Variants in COL7A1 observed in about 807,000 individuals in gnomAD.
The protein encoded by COL7A1 is collagen alpha-1(VII) chain.
Under a neutral mutation model 456.2 loss-of-function variants are expected in COL7A1, and 296 were observed. The ratio of observed to expected loss-of-function variants is 0.65; its 90% confidence interval spans 0.59 to 0.71. COL7A1 has a LOEUF of 0.71. Among genes scored for constraint, COL7A1 ranks in the 30% least tolerant of loss-of-function variants. The probability of loss-of-function intolerance (pLI) is 0.00; values close to 1 mark genes in which losing one functional copy is unlikely to be tolerated. For synonymous variants in COL7A1, 1,464 were observed against 1,525.9 expected (o/e 0.96, Z 0.95); for missense variants, 3,441 against 4,017.2 (o/e 0.86, Z 3.88).
chr3:48,578,302 C>G lies in COL7A1; in HGVS notation c.5532+19G>C, dbSNP rs200211562. On this transcript the variant is annotated intron_variant, in intron 65 of 118. Coordinates refer to ENST00000681320, the MANE Select transcript of COL7A1 (RefSeq NM_000094.4). This position sits in a 1 kb window ranked among gnomAD's most constrained non-coding sequence, Gnocchi z 4.7. Reference sequence around the variant, plus strand: ...CGTTTCTTGGCAGGTTTCGCCGCAGCTGCCCTGGACACACTCACGTTTTTT... The same window carrying G: ...CGTTTCTTGGCAGGTTTCGCCGCAGGTGCCCTGGACACACTCACGTTTTTT... 9.9e-6 allele frequency: 16 copies of G among 1,612,270 alleles called. No homozygotes were observed. In the East Asian group the frequency reaches 3.3e-4, roughly 34 times the overall value.
Position 48,572,859 on chromosome 3 carries a change from T to C in COL7A1, c.6831+3A>G, listed in dbSNP as rs2044029720. The C allele has an allele frequency of 6.2e-7, 1 of 1,613,802 alleles. No individual in the cohort carries two copies. Among genetic ancestry groups the C allele is most frequent in the Non-Finnish European group, 8.5e-7 (1 of 1,179,962 alleles). On this transcript the variant is annotated splice_donor_region_variant and intron_variant, in intron 87 of 118. Transcript: ENST00000681320. This position sits in a 1 kb window ranked among gnomAD's most constrained non-coding sequence, Gnocchi z 4.6. The stretch of plus-strand genomic sequence containing the variant: ...CCTAGCGAGCTGCCCCCAGAACACA[T>C]ACTGGCACACCAGGGCTCCCTCTGT...
In COL7A1 at chr3:48,568,293, G is replaced by A; in HGVS notation, c.7795-123C>T. 8.2e-7 allele frequency: 1 copy of A among 1,226,730 alleles called. No homozygotes were observed. Among genetic ancestry groups the A allele is most frequent in the South Asian group, 1.2e-5 (1 of 81,168 alleles). 76.0% of individuals were successfully genotyped at this position (1,226,730 alleles called of 1,614,324 possible). On this transcript the variant is annotated intron_variant, in intron 105 of 118. Coordinates refer to ENST00000681320, the MANE Select transcript of COL7A1 (RefSeq NM_000094.4). This position sits in a 1 kb window ranked among gnomAD's most constrained non-coding sequence, Gnocchi z 5.2. Reference sequence around the variant, plus strand: ...TCACCTCTGGAGGCCAGAGCCACTGGGGCTTGCCATGGGGACAAGGGTCAC... The same window carrying A: ...TCACCTCTGGAGGCCAGAGCCACTGAGGCTTGCCATGGGGACAAGGGTCAC...
rs772973596 is a variant in COL7A1, at chr3:48,579,219, G to C, written c.5366C>G (p.Ala1789Gly). Reference sequence around the variant, plus strand: ...CACATTCGGCCCAGAGGGCCCAGCGGCTCCTGGTTTCCCATCCAGTCCGCT... The same window carrying C: ...CACATTCGGCCCAGAGGGCCCAGCGCCTCCTGGTTTCCCATCCAGTCCGCT... ...GRSGLDGKPG[A>G]AGPSGPNGAA... The change falls in exon 62 of 119, where the codon GCC (alanine) becomes GGC (glycine). Residue 1789 changes from alanine (A) to glycine (G), a missense_variant. Ala to Gly is a moderately conservative substitution (Grantham distance 60). Around this residue, in one of 3 missense-constraint regions of COL7A1, gnomAD observed 2,084 missense variants for 2,501.3 expected, o/e 0.83. Transcript: ENST00000681320. The surrounding 1 kb of genome is among the most constrained non-coding windows in gnomAD (Gnocchi z 4.4). 4 of 1,613,530 alleles carry C rather than the reference G, an allele frequency of 2.5e-6. No individual in the cohort carries two copies. Among genetic ancestry groups the C allele is most frequent in the East Asian group, 2.2e-5 (1 of 44,896 alleles).
chr3:48,595,214 G>T, intron 1 of COL7A1, 54 bp from the exon 2 acceptor site: 1 of 1,478,258 alleles, frequency 6.8e-7, no homozygotes, highest in Non-Finnish European at 9.2e-7. Flanking sequence ...TTGCTCCCCC[G>T]TGGCCTTGGC....
Position 48,594,928 on chromosome 3 carries a change from T to A in COL7A1, c.85+147A>T. On this transcript the variant is annotated intron_variant, in intron 2 of 118. Coordinates refer to ENST00000681320, the MANE Select transcript of COL7A1 (RefSeq NM_000094.4). This position sits in a 1 kb window ranked among gnomAD's most constrained non-coding sequence, Gnocchi z 5.5. Reference sequence around the variant, plus strand: ...GAACCCAGCACCGATCGCGGAGGGTTCGGGGAGTCCCAGAATTAGGAGGAA... The same window carrying A: ...GAACCCAGCACCGATCGCGGAGGGTACGGGGAGTCCCAGAATTAGGAGGAA... 1.4e-6 allele frequency: 1 copy of A among 727,560 alleles called. No homozygotes were observed. Among genetic ancestry groups the A allele is most frequent in the East Asian group, 2.7e-5 (1 of 36,786 alleles). 45.1% of individuals were successfully genotyped at this position (727,560 alleles called of 1,614,324 possible).
chr3:48,582,445 AC>A (rs2044832954), intron 46 of COL7A1, 32 bp downstream of exon 46: 1 of 1,613,898 alleles, frequency 6.2e-7, no homozygotes, highest in Non-Finnish European at 8.5e-7. Flanking sequence ...CATCCCTAGT[AC>A]CAGACAGTGC....
chr3:48,593,059 T>C lies in COL7A1; in HGVS notation c.682+43A>G. 2 of 1,613,568 alleles carry C rather than the reference T, an allele frequency of 1.2e-6. No individual in the cohort carries two copies. Among genetic ancestry groups the C allele is most frequent in the Non-Finnish European group, 1.7e-6 (2 of 1,179,884 alleles). On this transcript the variant is annotated intron_variant, in intron 6 of 118. Transcript: ENST00000681320. This position sits in a 1 kb window ranked among gnomAD's most constrained non-coding sequence, Gnocchi z 4.4. ...CAGCACTGCCAAGTGGGGATTGGGG[T>C]CCGGGGTCTAGGTCAGGGTACACCG... is the stretch of plus-strand genomic sequence containing the variant.
At position 48,589,694 on chromosome 3, in the gene COL7A1, A is replaced by G. The variant is rs778166491; in HGVS notation, c.2075T>C (p.Val692Ala). 1.2e-6 allele frequency: 2 copies of G among 1,613,978 alleles called. No homozygotes were observed. The highest frequency in any genetic ancestry group is 1.7e-6 in the Non-Finnish European group (2 of 1,179,994). The change falls in exon 17 of 119, where the codon GTC becomes GCC. Residue 692 changes from valine to alanine, a missense_variant. Transcript: ENST00000681320. ...TGAGCTGCTGGCCTGAGTCACATGG[A>G]CCGTCCTCACTGGGCCCAGTGGGTC... ...RTDPLGPVRT[V>A]HVTQASSSSV... is the part of the protein sequence containing the mutation.
At position 48,588,995 on chromosome 3, in the gene COL7A1, G is replaced by A. The variant is rs1300908136; in HGVS notation, c.2315C>T (p.Ala772Val). 2 of 1,613,292 alleles carry A rather than the reference G, an allele frequency of 1.2e-6. No individual in the cohort carries two copies. The highest frequency in any genetic ancestry group is 1.3e-5 in the African/African-American group (1 of 74,946). ...CGACACACGACCCACAGGCTCAGGG[G>A]CTGGGGACAGAGGCAAGGTAAGGGG... ...GPPASVVVRT[A>V]PEPVGRVSRL... Residue 772 changes from alanine to valine, a missense_variant and splice_region_variant, in exon 19 of 119, where the codon GCC (alanine) becomes GTC (valine). This residue lies in a region of COL7A1 where 913 missense variants were observed against 1,088.2 expected (regional missense o/e 0.84). Coordinates refer to ENST00000681320, the MANE Select transcript of COL7A1 (RefSeq NM_000094.4). The surrounding 1 kb of genome is among the most constrained non-coding windows in gnomAD (Gnocchi z 4.6).
Position 48,592,028 on chromosome 3 carries a change from A to G in COL7A1, c.1241-14T>C, listed in dbSNP as rs1411664982. ...CAACAGAAGCGTCTGCCCAGGGCAC[A>G]TGGGATGTCAGTGGCCTCCGGGCCT... On this transcript the variant is annotated splice_polypyrimidine_tract_variant and intron_variant, in intron 10 of 118. Coordinates refer to ENST00000681320, the MANE Select transcript of COL7A1 (RefSeq NM_000094.4). This position sits in a 1 kb window ranked among gnomAD's most constrained non-coding sequence, Gnocchi z 7.6. 2 of 1,614,112 alleles carry G rather than the reference A, an allele frequency of 1.2e-6. No homozygotes were observed. The highest frequency in any genetic ancestry group is 2.2e-5 in the South Asian group (2 of 91,078).
Position 48,579,903 on chromosome 3 carries a change from G to A in COL7A1, c.5125-89C>T, listed in dbSNP as rs2044616142. The A allele has an allele frequency of 5.6e-6, 9 of 1,608,874 alleles. No individual in the cohort carries two copies. In the South Asian group the frequency reaches 7.7e-5, roughly 14 times the overall value. On this transcript the variant is annotated intron_variant, in intron 57 of 118. Transcript: ENST00000681320. The surrounding 1 kb of genome is among the most constrained non-coding windows in gnomAD (Gnocchi z 4.4). ...TACAGGGTCTGTGAGGGGCTCCAGG[G>A]ATCCGCGGAGGTTTCAGAGGGACAG...
rs1230825037 is a variant in COL7A1 at position 48,570,618 on chromosome 3, C to T, written c.7344+21G>A. ...AGGACAGGAAATCAAATACGTGGGGCTTTAGGGCACCTCTACTCACCACTG... is the reference window on the plus strand; with the variant it reads ...AGGACAGGAAATCAAATACGTGGGGTTTTAGGGCACCTCTACTCACCACTG... On this transcript the variant is annotated intron_variant, in intron 96 of 118. Transcript: ENST00000681320. This position sits in a 1 kb window ranked among gnomAD's most constrained non-coding sequence, Gnocchi z 5.5. 4 of 1,609,632 alleles carry T rather than the reference C, an allele frequency of 2.5e-6. No homozygotes were observed. The highest frequency in any genetic ancestry group is 3.4e-6 in the Non-Finnish European group (4 of 1,177,868).
Position 48,575,745 on chromosome 3 carries a change from A to T in COL7A1, c.5860T>A (p.Ser1954Thr). The T allele has an allele frequency of 6.2e-7, 1 of 1,614,032 alleles. No individual in the cohort carries two copies. Among genetic ancestry groups the T allele is most frequent in the Non-Finnish European group, 8.5e-7 (1 of 1,180,010 alleles). ...GTCTCCACGATCTCCCGCAGGGCAG[A>T]TGCCTGAGGGACAGCAAGAGGTCAG... ...RLLETAGIKA[S>T]ALREIVETWD... The change falls in exon 73 of 119, where the codon TCT becomes ACT. Residue 1954 changes from serine to threonine, a missense_variant. Physicochemically the swap from Ser to Thr is moderately conservative, Grantham distance 58 (BLOSUM62 1). Coordinates refer to ENST00000681320, the MANE Select transcript of COL7A1 (RefSeq NM_000094.4). This position sits in a 1 kb window ranked among gnomAD's most constrained non-coding sequence, Gnocchi z 6.3.
Position 48,583,109 on chromosome 3 carries a change from C to T in COL7A1, c.4482+18G>A, listed in dbSNP as rs1270335275. The T allele has an allele frequency of 1.2e-6, 2 of 1,613,964 alleles. No homozygotes were observed. The highest frequency in any genetic ancestry group is 1.7e-6 in the Non-Finnish European group (2 of 1,179,980). ...CCAGATCCTCCAGGGCCCTTGGCAC[C>T]CCCCAGGTTGCACTTACCTTCTCTC... On this transcript the variant is annotated intron_variant, in intron 43 of 118. Transcript: ENST00000681320. This position sits in a 1 kb window ranked among gnomAD's most constrained non-coding sequence, Gnocchi z 5.1.
At position 48,575,910 on chromosome 3, in the gene COL7A1, CAA is replaced by C. The variant is rs769051596; in HGVS notation, c.5821-10_5821-9del. On this transcript the variant is annotated splice_polypyrimidine_tract_variant and intron_variant, in intron 71 of 118. Coordinates refer to ENST00000681320, the MANE Select transcript of COL7A1 (RefSeq NM_000094.4). This position sits in a 1 kb window ranked among gnomAD's most constrained non-coding sequence, Gnocchi z 6.3. ...CAGCAACCGATCCACATTCTGGGGACAAAGTCTGGGTGAAGGGCTGCCCATGA... is the reference window on the plus strand; with the variant it reads ...CAGCAACCGATCCACATTCTGGGGACAGTCTGGGTGAAGGGCTGCCCATGA... The C allele has an allele frequency of 6.2e-7, 1 of 1,614,138 alleles. No individual in the cohort carries two copies. Among genetic ancestry groups the C allele is most frequent in the South Asian group, 1.1e-5 (1 of 91,084 alleles).
At position 48,586,616 on chromosome 3, in the gene COL7A1, A is replaced by G. The variant is rs762466199; in HGVS notation, c.3350T>C (p.Ile1117Thr). Residue 1117 changes from isoleucine (I) to threonine (T), a missense_variant, in exon 26 of 119, where the codon ATC becomes ACC. Ile to Thr is a moderately conservative substitution (Grantham distance 89, BLOSUM62 -1). Coordinates refer to ENST00000681320, the MANE Select transcript of COL7A1 (RefSeq NM_000094.4). The surrounding 1 kb of genome is among the most constrained non-coding windows in gnomAD (Gnocchi z 5.1). ...GGGCATGTCACGGATCCTTTGCAAG[A>G]TAATGCCAAGGTCATGGGAGCCATT... ...PLNGSHDLGI[I>T]LQRIRDMPYM... 6.2e-7 allele frequency: 1 copy of G among 1,613,720 alleles called. No homozygotes were observed. The highest frequency in any genetic ancestry group is 8.5e-7 in the Non-Finnish European group (1 of 1,180,020).
rs771354522 is a variant in COL7A1 at position 48,585,990 on chromosome 3, T to C, written c.3724-15A>G. ...TCTGGCCGGGGCTGCGGACATAGGG[T>C]CTCTTTGAGGTTGAACATTTCTACC... On this transcript the variant is annotated splice_polypyrimidine_tract_variant and intron_variant, in intron 28 of 118. Coordinates refer to ENST00000681320, the MANE Select transcript of COL7A1 (RefSeq NM_000094.4). This position sits in a 1 kb window ranked among gnomAD's most constrained non-coding sequence, Gnocchi z 4.5. The C allele has an allele frequency of 2.3e-5, 37 of 1,613,662 alleles. No individual in the cohort carries two copies. The highest frequency in any genetic ancestry group is 5.0e-5 in the Admixed American group (3 of 60,004).
intron 67 of COL7A1, 33 bp from the exon 68 acceptor site, chr3:48,576,804 A>C: frequency 6.2e-7 from 1 of 1,613,908 alleles, no homozygotes; most frequent in African/African-American, 1.3e-5. Flanking sequence ...CAGCACCCTG[A>C]GACCTCAGAA....
Position 48,568,362 on chromosome 3 carries a change from G to A in COL7A1, c.7794+137C>T, listed in dbSNP as rs533779017. On this transcript the variant is annotated intron_variant, in intron 105 of 118. Transcript: ENST00000681320. This position sits in a 1 kb window ranked among gnomAD's most constrained non-coding sequence, Gnocchi z 5.2. ...TCATAGGCGGCTACTGTGGAGGTGG[G>A]GGACCCTGGGTGACATGAGGACACC... The A allele has an allele frequency of 5.1e-5, 55 of 1,077,454 alleles. No individual in the cohort carries two copies. The African/African-American group carries it at 7.2e-4, about 14-fold the overall frequency. The allele number at this position is 1,077,454 out of a possible 1,614,324, so 66.7% of individuals were successfully genotyped here. A position where few individuals can be genotyped will look rare whatever the true frequency, so the allele number is the denominator to read the frequency against.
Sources: gnomAD v4.1 joint callset for allele counts on GRCh38, gnomAD v4.1.1 for gene constraint, gnomAD v4.1.1 regional missense constraint, Gnocchi (gnomAD v3.1) non-coding constraint, MANE v1.5 for transcripts, NCBI Gene and HGNC (gene_info 2026-07-23, HGNC 2026-07-21) for gene names.